CTNND2: variants seen among roughly 807,000 people sequenced by gnomAD.
CTNND2 encodes the protein catenin delta 2.
CTNND2 carries 22 observed loss-of-function variants against 144.4 expected under a neutral mutation model. The observed-to-expected ratio is 0.15, with a 90% CI of 0.11 to 0.22. CTNND2 has a LOEUF of 0.22. Among genes scored for constraint, CTNND2 ranks in the 10% least tolerant of loss-of-function variants. The probability of loss-of-function intolerance (pLI) is 1.00; values close to 1 mark genes in which losing one functional copy is unlikely to be tolerated. For missense variants in CTNND2, 1,353 were observed against 1,618.8 expected, an observed-to-expected ratio of 0.84 and a Z score of 2.82; for synonymous variants, 751 against 695.6, an observed-to-expected ratio of 1.08 and a Z score of -1.25.
At chr5:11,791,955 A>T (rs1314254588) in intron 1 of CTNND2, among the ~76,000 whole-genome samples, 1 of 152,208 alleles carries the variant, frequency 6.6e-6, no homozygotes, top group East Asian at 1.9e-4. Flanking sequence ...AACAGGATCA[A>T]AGATGAGGAT....
chr5:11,590,635 C>T (rs909915085), intron 2 of CTNND2, among the ~76,000 whole-genome samples: 4 of 151,948 alleles, frequency 2.6e-5, no homozygotes, highest in Non-Finnish European at 4.4e-5. Flanking sequence ...CCTCCCTGCC[C>T]TTGTAAATGT....
intron 9 of CTNND2, among the ~76,000 whole-genome samples, chr5:11,336,144 C>G (rs542076314): frequency 5.9e-5 from 9 of 152,290 alleles, no homozygotes; most frequent in African/African-American, 2.2e-4. Context: ...CTATGCTCAG[C>G]CCTGCTCTCA....
chr5:11,513,322 C>T (rs1255332555), intron 3 of CTNND2, among the ~76,000 whole-genome samples: 2 of 152,176 alleles, frequency 1.3e-5, no homozygotes, highest in African/African-American at 4.8e-5. Context: ...GCTTGTTTTG[C>T]AAACCAGTTT....
intron 12 of CTNND2, among the ~76,000 whole-genome samples, chr5:11,152,958 C>A (rs1179080352): frequency 6.6e-6 from 1 of 151,938 alleles, no homozygotes; most frequent in East Asian, 1.9e-4. Context: ...TTTTCAAGAA[C>A]CTGGATTAAG....
At chr5:11,516,512 A>G (rs887885233) in intron 3 of CTNND2, among the ~76,000 whole-genome samples, 2 of 152,126 alleles carry the variant, frequency 1.3e-5, no homozygotes, top group South Asian at 2.1e-4. Flanking sequence ...TACAAGATCA[A>G]TATTTTAAAA....
chr5:10,992,147 A>G (rs1738752159), intron 19 of CTNND2, among the ~76,000 whole-genome samples: 1 of 152,106 alleles, frequency 6.6e-6, no homozygotes, highest in Admixed American at 6.5e-5. Context: ...CGAACTCCCG[A>G]GCTCAGGCAA....
intron 16 of CTNND2, among the ~76,000 whole-genome samples, chr5:11,059,975 A>G (rs1487093145): frequency 2.0e-5 from 3 of 151,920 alleles, no homozygotes; most frequent in African/African-American, 7.3e-5. Flanking sequence ...AAGAAGTAAA[A>G]TATTTTTTCC....
intron 5 of CTNND2, among the ~76,000 whole-genome samples, chr5:11,401,882 T>C (rs1037342245): frequency 6.6e-6 from 1 of 152,208 alleles, no homozygotes; most frequent in Non-Finnish European, 1.5e-5. Context: ...AGATAATGGA[T>C]GTGCAAGTGC....
chr5:10,981,277 T>G (rs538534904), intron 21 of CTNND2, among the ~76,000 whole-genome samples: 1 of 152,294 alleles, frequency 6.6e-6, no homozygotes, highest in Non-Finnish European at 1.5e-5. Context: ...TACAATGCAT[T>G]TCATGTATTG....
At chr5:11,171,173 C>T (rs1759865357) in intron 11 of CTNND2, among the ~76,000 whole-genome samples, 1 of 152,078 alleles carries the variant, frequency 6.6e-6, no homozygotes, top group Non-Finnish European at 1.5e-5. Context: ...TGAGACATTA[C>T]CATGTCACAT....
chr5:10,977,934 C>T (rs1369262400), intron 21 of CTNND2, among the ~76,000 whole-genome samples: 4 of 152,232 alleles, frequency 2.6e-5, no homozygotes, highest in African/African-American at 9.6e-5. Flanking sequence ...GTGTCTGGTG[C>T]AGGCGTCTCT....
chr5:11,584,044 C>T (rs1429409696), intron 2 of CTNND2, among the ~76,000 whole-genome samples: 2 of 152,240 alleles, frequency 1.3e-5, no homozygotes, highest in East Asian at 3.9e-4. Context: ...TCCCCCACCT[C>T]GGCAAGTAAA....
intron 7 of CTNND2, among the ~76,000 whole-genome samples, chr5:11,370,029 A>G (rs1757324631): frequency 6.6e-6 from 1 of 152,202 alleles, no homozygotes; most frequent in African/African-American, 2.4e-5. Flanking sequence ...ACTACAATTG[A>G]TTGGACGAAT....
chr5:11,083,926 T>C, intron 15 of CTNND2: 1 of 1,150,664 alleles, frequency 8.7e-7, no homozygotes, highest in Non-Finnish European at 1.1e-6. Context: ...GTAGGGCATA[T>C]GCCATGCCTG....
chr5:11,783,445 A>G (rs1790655850), intron 1 of CTNND2, among the ~76,000 whole-genome samples: 1 of 152,118 alleles, frequency 6.6e-6, no homozygotes, highest in South Asian at 2.1e-4. Flanking sequence ...AGTTGACCAA[A>G]GGCATCCTCA....
intron 12 of CTNND2, among the ~76,000 whole-genome samples, chr5:11,131,799 AC>A (rs1755637860): frequency 6.6e-6 from 1 of 152,176 alleles, no homozygotes; most frequent in Non-Finnish European, 1.5e-5. Flanking sequence ...AAAAAAAAAA[AC>A]AAAAAACTTC....
At chr5:11,902,023 T>C (rs1737936638) in intron 1 of CTNND2, among the ~76,000 whole-genome samples, 1 of 152,200 alleles carries the variant, frequency 6.6e-6, no homozygotes, top group South Asian at 2.1e-4. Context: ...ACTAAAGCAA[T>C]ATTGCTAAAG....
rs1252002811 is a variant in CTNND2, at chr5:11,346,419, G to A, written c.1581C>T (p.Gly527=). 1 of 1,531,274 alleles carries A rather than the reference G, an allele frequency of 6.5e-7. No homozygotes were observed. The highest frequency in any genetic ancestry group is 8.8e-7 in the Non-Finnish European group (1 of 1,135,390). The allele number at this position is 1,531,274 out of a possible 1,614,324, so 94.9% of individuals were successfully genotyped here. ...SKSGPALPPE[G]TLARSPSIDS... ...CAATGGACGGGGACCTGGCCAAGGT[G>A]CCTTCAGGCGGGAGAGCAGGGCCGG... The change falls in exon 9 of 22, where the codon GGC becomes GGT. Residue 527 remains glycine, a synonymous_variant. Transcript: ENST00000304623.
chr5:11,882,707 T>C (rs1287237158), intron 1 of CTNND2, among the ~76,000 whole-genome samples: 2 of 152,148 alleles, frequency 1.3e-5, no homozygotes, highest in Admixed American at 6.5e-5. Flanking sequence ...CTGGTTACTA[T>C]AGATTTATAG....
Sources: allele counts gnomAD v4.1 joint callset (sites outside exome capture counted in the v4.1 genomes callset), GRCh38; gene constraint gnomAD v4.1.1; transcripts MANE v1.5; gene names NCBI Gene and HGNC (gene_info 2026-07-23, HGNC 2026-07-21).